The following CSMD2 variants were observed in gnomAD, a reference collection of about 807,000 sequenced individuals.
CSMD2 encodes the protein CUB and Sushi multiple domains 2.
In CSMD2, 130 loss-of-function variants were observed where a neutral mutation model predicts 398.5. That is an observed-to-expected ratio of 0.33 (90% confidence interval 0.28 to 0.38). CSMD2 has a LOEUF of 0.38. CSMD2 is among the 10% of genes least tolerant of loss of function. The pLI is 1.00. For synonymous variants in CSMD2, 1,828 were observed against 1,908.5 expected (o/e 0.96, Z 1.10); for missense variants, 3,829 against 4,764.9 (o/e 0.80, Z 5.78).
chr1:33,601,439 G>T (rs923814151), intron 43 of CSMD2, among the ~76,000 whole-genome samples: 1 of 152,128 alleles, frequency 6.6e-6, no homozygotes, highest in Non-Finnish European at 1.5e-5. Context: ...AATGCCTTTT[G>T]GGACAAAAGA....
At chr1:33,864,136 A>T in intron 5 of CSMD2, 1 of 1,495,542 alleles carries the variant, frequency 6.7e-7, no homozygotes, top group South Asian at 1.4e-5. Context: ...GAGTGTGGGA[A>T]CAACAGTCTC....
chr1:33,731,434 T>C (rs1169483544), intron 15 of CSMD2, among the ~76,000 whole-genome samples: 1 of 152,188 alleles, frequency 6.6e-6, no homozygotes. Context: ...GCCTACAAGA[T>C]ATTCTCGCTA....
chr1:33,997,862 T>C (rs1053851284), intron 3 of CSMD2, among the ~76,000 whole-genome samples: 1 of 151,994 alleles, frequency 6.6e-6, no homozygotes, highest in African/African-American at 2.4e-5. Flanking sequence ...GGGAGAAAAA[T>C]GTAGTGGCAA....
At chr1:33,588,463 C>T (rs1639227995) in intron 44 of CSMD2, among the ~76,000 whole-genome samples, 2 of 151,950 alleles carry the variant, frequency 1.3e-5, no homozygotes, top group Admixed American at 6.5e-5. Context: ...TGCTGAATGT[C>T]AGTAATCCTT....
chr1:33,835,474 G>A (rs1161851828), intron 6 of CSMD2, among the ~76,000 whole-genome samples: 1 of 55,218 alleles, frequency 1.8e-5, no homozygotes, highest in Non-Finnish European at 2.8e-5. Context: ...GACACAGGAA[G>A]GGGAACATCA....
chr1:33,639,592 C>T (rs1642995281), intron 29 of CSMD2, among the ~76,000 whole-genome samples: 1 of 152,188 alleles, frequency 6.6e-6, no homozygotes, highest in Non-Finnish European at 1.5e-5. Context: ...ACCCTGGCAA[C>T]TAGCACAGAA....
At chr1:33,570,166 C>CTTTTTTTTTTT (rs5773416) in intron 51 of CSMD2, among the ~76,000 whole-genome samples, 3 of 117,294 alleles carry the variant, frequency 2.6e-5, no homozygotes, top group East Asian at 2.6e-4. Context: ...CGGACATTGG[C>CTTTTTTTTTTT]TTTTTTTTTT....
chr1:33,711,258 G>A (rs1171571975), intron 21 of CSMD2, among the ~76,000 whole-genome samples: 1 of 152,164 alleles, frequency 6.6e-6, no homozygotes, highest in Admixed American at 6.5e-5. Context: ...TATCACATGG[G>A]CAGCCTTCTG....
intron 1 of CSMD2, among the ~76,000 whole-genome samples, chr1:34,159,604 G>A (rs1336182919): frequency 1.3e-5 from 2 of 152,232 alleles, no homozygotes; most frequent in African/African-American, 2.4e-5. Flanking sequence ...TTTACTTAGT[G>A]CGTGGATAAG....
chr1:33,841,754 A>G (rs1199239374), intron 6 of CSMD2, among the ~76,000 whole-genome samples: 1 of 152,222 alleles, frequency 6.6e-6, no homozygotes, highest in Non-Finnish European at 1.5e-5. Context: ...AAAATACTTC[A>G]AAGAGAAACT....
Position 33,716,430 on chromosome 1 carries a change from T to C in CSMD2, c.3073A>G (p.Ser1025Gly). ...AGCTGCCTCAGGGGCTGGGTGAAGC[T>C]GCCGTTCTCAGTGATGAGGAGGTAG... Reference protein sequence around the residue: ...HDYLLITENGSFTQPLRQLTG... With the variant: ...HDYLLITENGGFTQPLRQLTG... Residue 1025 changes from serine (S) to glycine (G), a missense_variant, in exon 20 of 71, where the codon AGC (serine) becomes GGC (glycine). Transcript: ENST00000373381. 1.2e-6 allele frequency: 2 copies of C among 1,614,054 alleles called. No individual in the cohort carries two copies. The highest frequency in any genetic ancestry group is 1.1e-5 in the South Asian group (1 of 91,066).
intron 3 of CSMD2, among the ~76,000 whole-genome samples, chr1:33,978,303 A>T (rs896447526): frequency 5.9e-5 from 9 of 152,118 alleles, no homozygotes; most frequent in Non-Finnish European, 8.8e-5. Context: ...ATGGGACAAT[A>T]TTCTATTATT....
At chr1:33,939,241 C>G (rs184285208) in intron 3 of CSMD2, among the ~76,000 whole-genome samples, 5 of 151,146 alleles carry the variant, frequency 3.3e-5, no homozygotes, top group African/African-American at 7.3e-5. Context: ...ATGCTCCTGG[C>G]TTATTTAGCA....
intron 13 of CSMD2, among the ~76,000 whole-genome samples, chr1:33,748,026 A>G (rs1451408616): frequency 6.6e-6 from 1 of 152,214 alleles, no homozygotes; most frequent in Non-Finnish European, 1.5e-5. Flanking sequence ...TTTTCTGGAC[A>G]GCTACCAAGA....
intron 1 of CSMD2, among the ~76,000 whole-genome samples, chr1:34,132,107 G>A (rs187389125): frequency 2.6e-5 from 4 of 152,100 alleles, no homozygotes; most frequent in Non-Finnish European, 4.4e-5. Context: ...TCACACACTT[G>A]ACCTGTAAGG....
chr1:33,924,638 C>G (rs1259775271), intron 4 of CSMD2, among the ~76,000 whole-genome samples: 5 of 152,160 alleles, frequency 3.3e-5, no homozygotes, highest in Non-Finnish European at 5.9e-5. Flanking sequence ...AATGGCTGTA[C>G]TAATTTACAT....
At chr1:34,016,031 GTGTGTGTGTGTGTA>G (rs1648054709) in intron 3 of CSMD2, among the ~76,000 whole-genome samples, 1 of 151,900 alleles carries the variant, frequency 6.6e-6, no homozygotes, top group African/African-American at 2.4e-5. Flanking sequence ...GTGTGTGTGT[GTGTGTGTGTGTGTA>G]TGTGTGTATT....
intron 13 of CSMD2, among the ~76,000 whole-genome samples, chr1:33,757,039 C>T (rs1402996462): frequency 1.3e-5 from 2 of 151,796 alleles, no homozygotes; most frequent in Non-Finnish European, 2.9e-5. Context: ...TCATCATTCT[C>T]AGTAAACTAT....
intron 13 of CSMD2, among the ~76,000 whole-genome samples, chr1:33,748,641 C>G (rs969203785): frequency 6.6e-6 from 1 of 152,020 alleles, no homozygotes; most frequent in African/African-American, 2.4e-5. Context: ...AGACCTAATA[C>G]AAAATCCAAA....
Sources: allele counts gnomAD v4.1 joint callset (sites outside exome capture counted in the v4.1 genomes callset), GRCh38; gene constraint gnomAD v4.1.1; transcripts MANE v1.5; gene names NCBI Gene and HGNC (gene_info 2026-07-23, HGNC 2026-07-21).